The following CWC22 variants were observed in gnomAD, a reference collection of about 807,000 sequenced individuals.
CWC22 encodes the protein CWC22 spliceosome associated protein, also known as pre-mRNA-splicing factor CWC22 homolog.
Under a neutral mutation model 117.2 loss-of-function variants are expected in CWC22, and 53 were observed. The observed-to-expected ratio is 0.45, with a 90% CI of 0.36 to 0.57. The LOEUF is 0.57. Among genes scored for constraint, CWC22 ranks in the 20% least tolerant of loss-of-function variants. CWC22 has a pLI of 0.00. For synonymous variants in CWC22, 360 were observed against 355.6 expected (o/e 1.01, Z -0.14); for missense variants, 980 against 1,068.8 (o/e 0.92, Z 1.16).
intron 14 of CWC22, among the ~76,000 whole-genome samples, chr2:179,958,819 C>G (rs1224756563): frequency 6.6e-6 from 1 of 152,156 alleles, no homozygotes; most frequent in Non-Finnish European, 1.5e-5. Context: ...CTCATTTGAG[C>G]AGAAAATTTA....
In CWC22 at chr2:179,981,754, G is replaced by T; in HGVS notation, c.450C>A (p.Asn150Lys). The T allele has an allele frequency of 6.2e-7, 1 of 1,612,240 alleles. No homozygotes were observed. Among genetic ancestry groups the T allele is most frequent in the Non-Finnish European group, 8.5e-7 (1 of 1,178,672 alleles). The change falls in exon 5 of 20, where the codon AAC (asparagine) becomes AAA (lysine). Residue 150 changes from asparagine (N) to lysine (K), a missense_variant and splice_region_variant. Asn to Lys is a moderately conservative substitution (Grantham distance 94). Coordinates refer to ENST00000410053, the MANE Select transcript of CWC22 (RefSeq NM_020943.3). ...RMMQEQITDK[N>K]SLAYQRMSWE... The stretch of plus-strand genomic sequence containing the variant: ...TATACTGATTGATATAAACATGCCT[G>T]TTTTTATCTGTAATCTGTTCCTGCA...
chr2:179,995,042 T>C (rs971467396), intron 1 of CWC22, among the ~76,000 whole-genome samples: 2 of 152,094 alleles, frequency 1.3e-5, no homozygotes, highest in Admixed American at 6.5e-5. Flanking sequence ...GGCGTGAACC[T>C]GGGAGGCGGA....
At chr2:179,965,797 G>A in intron 12 of CWC22, 81 bp downstream of exon 12, 1 of 1,167,646 alleles carries the variant, frequency 8.6e-7, no homozygotes, top group African/African-American at 1.5e-5. Flanking sequence ...CCCAAAGATT[G>A]AGAACTATTG....
chr2:179,958,691 A>G (rs750660892), intron 14 of CWC22, among the ~76,000 whole-genome samples: 2 of 152,204 alleles, frequency 1.3e-5, no homozygotes, highest in African/African-American at 2.4e-5. Flanking sequence ...AAGATGGACC[A>G]CATAATCCAT....
chr2:179,997,104 T>A (rs948789037), intron 1 of CWC22, among the ~76,000 whole-genome samples: 2 of 152,166 alleles, frequency 1.3e-5, no homozygotes, highest in African/African-American at 4.8e-5. Flanking sequence ...TTTTAATTTA[T>A]CTAAAATACA....
chr2:179,970,964 T>G lies in CWC22; in HGVS notation c.917A>C (p.Gln306Pro), dbSNP rs769697105. Residue 306 changes from glutamine (Q) to proline (P), a missense_variant, in exon 9 of 20, where the codon CAA becomes CCA. Around this residue, in one of 3 missense-constraint regions of CWC22, gnomAD observed 559 missense variants for 602.3 expected, o/e 0.93. Coordinates refer to ENST00000410053, the MANE Select transcript of CWC22 (RefSeq NM_020943.3). The stretch of plus-strand genomic sequence containing the variant: ...ACCATTGATTCCTCTTGGTGACACT[T>G]GTGTTAATTTGAGGCCACATTCCTT... ...FLKECGLKLT[Q>P]VSPRGINAIF... The G allele has an allele frequency of 6.2e-7, 1 of 1,612,682 alleles. No homozygotes were observed. Among genetic ancestry groups the G allele is most frequent in the Non-Finnish European group, 8.5e-7 (1 of 1,179,288 alleles).
chr2:179,994,635 G>C (rs1267783498), intron 1 of CWC22, among the ~76,000 whole-genome samples: 3 of 152,180 alleles, frequency 2.0e-5, no homozygotes, highest in Non-Finnish European at 4.4e-5. Flanking sequence ...GTCAAGGTTA[G>C]TAAAGGCAAA....
intron 14 of CWC22, 143 bp downstream of exon 14, chr2:179,958,874 GTTAAC>G: frequency 1.9e-6 from 1 of 528,072 alleles, no homozygotes; most frequent in East Asian, 3.0e-5. Flanking sequence ...TAAGCTTTGT[GTTAAC>G]TTAAAATGAT....
chr2:179,966,483 T>C (rs1375120117), intron 11 of CWC22, among the ~76,000 whole-genome samples: 1 of 152,206 alleles, frequency 6.6e-6, no homozygotes, highest in Non-Finnish European at 1.5e-5. Context: ...ATGAGATTTT[T>C]ATTAAAATAC....
At chr2:179,976,940 A>C (rs1379904991) in intron 6 of CWC22, among the ~76,000 whole-genome samples, 1 of 152,182 alleles carries the variant, frequency 6.6e-6, no homozygotes, top group African/African-American at 2.4e-5. Flanking sequence ...GGACTGCTTG[A>C]GCTCAAGAGT....
chr2:179,956,183 G>A (rs1177918362), intron 14 of CWC22, among the ~76,000 whole-genome samples: 1 of 151,902 alleles, frequency 6.6e-6, no homozygotes, highest in East Asian at 1.9e-4. Flanking sequence ...TATGTTAACA[G>A]TATTGTCAGA....
At position 179,944,993 on chromosome 2, in the gene CWC22, A is replaced by T; in HGVS notation, c.*136T>A. ...AGATGTATCAATTATAAAACATGTTAAAATGAAAACATTTTTTAAATTTAC... is the reference window on the plus strand; with the variant it reads ...AGATGTATCAATTATAAAACATGTTTAAATGAAAACATTTTTTAAATTTAC... On this transcript the variant is annotated 3_prime_UTR_variant, in exon 20 of 20. Transcript: ENST00000410053. 2 of 621,432 alleles carry T rather than the reference A, an allele frequency of 3.2e-6. No individual in the cohort carries two copies. The highest frequency in any genetic ancestry group is 5.2e-6 in the Non-Finnish European group (2 of 384,728). 38.5% of individuals were successfully genotyped at this position (621,432 alleles called of 1,614,324 possible).
At chr2:179,977,464 G>A (rs1687179978) in intron 6 of CWC22, among the ~76,000 whole-genome samples, 1 of 152,086 alleles carries the variant, frequency 6.6e-6, no homozygotes, top group East Asian at 1.9e-4. Context: ...AATAAGCCAG[G>A]CACAGAAAGA....
Position 179,986,677 on chromosome 2 carries a change from G to C in CWC22, c.206+18C>G, listed in dbSNP as rs760476655. ...AACAAATACAATTTTCTACAAGTTAGAAATTCCCAACACTAACCGTGACTC... is the reference window on the plus strand; with the variant it reads ...AACAAATACAATTTTCTACAAGTTACAAATTCCCAACACTAACCGTGACTC... On this transcript the variant is annotated intron_variant, in intron 4 of 19. Transcript: ENST00000410053. 3.5e-6 allele frequency: 5 copies of C among 1,421,546 alleles called. No homozygotes were observed. In the South Asian group the frequency reaches 4.9e-5, roughly 14 times the overall value. 88.1% of individuals were successfully genotyped at this position (1,421,546 alleles called of 1,614,324 possible). A position where few individuals can be genotyped will look rare whatever the true frequency, so the allele number is the denominator to read the frequency against.
At chr2:179,968,663 G>C (rs561944659) in intron 11 of CWC22, among the ~76,000 whole-genome samples, 1 of 151,882 alleles carries the variant, frequency 6.6e-6, no homozygotes, top group African/African-American at 2.4e-5. Context: ...CACCTCCCCA[G>C]TTCAAGCGAT....
intron 14 of CWC22, among the ~76,000 whole-genome samples, chr2:179,958,028 T>C (rs1686643250): frequency 6.6e-6 from 1 of 152,040 alleles, no homozygotes; most frequent in African/African-American, 2.4e-5. Context: ...TACATTTTCA[T>C]TAAAGGAATT....
At chr2:179,998,656 G>A (rs747583658) in intron 1 of CWC22, among the ~76,000 whole-genome samples, 4 of 152,058 alleles carry the variant, frequency 2.6e-5, no homozygotes, top group Non-Finnish European at 2.9e-5. Flanking sequence ...TGATCCATTC[G>A]TTCAAAGTTC....
At chr2:179,956,582 C>CTATA (rs111908450) in intron 14 of CWC22, among the ~76,000 whole-genome samples, 4 of 148,204 alleles carry the variant, frequency 2.7e-5, no homozygotes, top group South Asian at 2.1e-4. Flanking sequence ...TTATATTGTG[C>CTATA]TATATATATA....
chr2:179,997,889 T>C (rs547469939), intron 1 of CWC22, among the ~76,000 whole-genome samples: 1 of 152,168 alleles, frequency 6.6e-6, no homozygotes, highest in Non-Finnish European at 1.5e-5. Flanking sequence ...ACTTTTTTCC[T>C]ACAGGTCAGT....
Sources: gnomAD v4.1 joint callset for allele counts (sites outside exome capture counted in the v4.1 genomes callset) on GRCh38, gnomAD v4.1.1 for gene constraint, gnomAD v4.1.1 regional missense constraint, MANE v1.5 for transcripts, NCBI Gene and HGNC (gene_info 2026-07-23, HGNC 2026-07-21) for gene names.